Variants in RIMS1 observed in about 807,000 individuals in gnomAD.
RIMS1 encodes the protein regulating synaptic membrane exocytosis 1, also known as regulating synaptic membrane exocytosis protein 1.
Under a neutral mutation model 214.1 loss-of-function variants are expected in RIMS1, and 83 were observed. The observed-to-expected ratio is 0.39, with a 90% CI of 0.32 to 0.47. The LOEUF is 0.47. Among genes scored for constraint, RIMS1 ranks in the 20% least tolerant of loss-of-function variants. RIMS1 has a pLI of 0.99. For missense variants in RIMS1, 2,050 were observed against 2,161.8 expected (o/e 0.95, Z 1.03); for synonymous variants, 793 against 786.8 (o/e 1.01, Z -0.13).
At chr6:72,314,866 G>T (rs150238798) in intron 28 of RIMS1, among the ~76,000 whole-genome samples, 1 of 152,046 alleles carries the variant, frequency 6.6e-6, no homozygotes, top group African/African-American at 2.4e-5. Flanking sequence ...AAAACAATTT[G>T]AAGTAATTTT....
At chr6:72,391,338 T>G (rs2807520) in intron 30 of RIMS1, among the ~76,000 whole-genome samples, 33,319 of 151,054 alleles carry the variant, frequency 0.22, 3,894 homozygotes, top group Middle Eastern at 0.3. Context: ...AATTTACTCT[T>G]TTCGATTCTT....
chr6:72,144,405 T>A (rs934315465), intron 4 of RIMS1, among the ~76,000 whole-genome samples: 1 of 152,182 alleles, frequency 6.6e-6, no homozygotes, highest in Non-Finnish European at 1.5e-5. Context: ...ATATCAGTGA[T>A]GTAGTATTTT....
At chr6:72,333,897 T>A (rs2096753428) in intron 29 of RIMS1, 62 bp downstream of exon 29, 2 of 1,149,712 alleles carry the variant, frequency 1.7e-6, no homozygotes, top group Admixed American at 4.1e-5. Flanking sequence ...AACTTGATCT[T>A]CATGCTATGG....
chr6:71,937,408 A>G (rs1034395696), intron 1 of RIMS1, among the ~76,000 whole-genome samples: 5 of 152,064 alleles, frequency 3.3e-5, no homozygotes, highest in Non-Finnish European at 7.4e-5. Context: ...CCACAGGTGC[A>G]CGCCCAGCTA....
intron 2 of RIMS1, among the ~76,000 whole-genome samples, chr6:72,044,220 G>A (rs918285331): frequency 6.6e-6 from 1 of 151,506 alleles, no homozygotes; most frequent in Non-Finnish European, 1.5e-5. Flanking sequence ...ACCTCACACC[G>A]TATATAAAAA....
chr6:72,184,494 A>G (rs1221613526), intron 6 of RIMS1, among the ~76,000 whole-genome samples: 1 of 152,220 alleles, frequency 6.6e-6, no homozygotes, highest in African/African-American at 2.4e-5. Context: ...TGCTATAAAA[A>G]TGTGTATCTA....
chr6:72,290,169 C>T (rs2807538), intron 24 of RIMS1, among the ~76,000 whole-genome samples: 56,505 of 151,962 alleles, frequency 0.37, 10,967 homozygotes, highest in African/African-American at 0.41. Context: ...AGGCTTCTTT[C>T]GTTGTTTTTG....
chr6:71,905,374 T>C (rs1402612754), intron 1 of RIMS1, among the ~76,000 whole-genome samples: 1 of 152,054 alleles, frequency 6.6e-6, no homozygotes, highest in African/African-American at 2.4e-5. Context: ...CCCTCTTCTA[T>C]CTTGAAGCAG....
chr6:72,320,426 T>C (rs1421047704), intron 28 of RIMS1, among the ~76,000 whole-genome samples: 3 of 152,174 alleles, frequency 2.0e-5, no homozygotes, highest in Non-Finnish European at 4.4e-5. Flanking sequence ...TTTAAAAACA[T>C]ATTGTAAACC....
At chr6:72,368,791 G>C (rs769962381) in intron 29 of RIMS1, among the ~76,000 whole-genome samples, 1 of 151,970 alleles carries the variant, frequency 6.6e-6, no homozygotes, top group Non-Finnish European at 1.5e-5. Flanking sequence ...AGTAGTTCAT[G>C]GTCAATTATT....
chr6:72,258,720 G>T (rs879686730), intron 17 of RIMS1, among the ~76,000 whole-genome samples: 1 of 152,084 alleles, frequency 6.6e-6, no homozygotes, highest in African/African-American at 2.4e-5. Flanking sequence ...ATTTTACTCT[G>T]ATATACACTC....
chr6:72,052,227 C>T (rs1824907525), intron 2 of RIMS1, among the ~76,000 whole-genome samples: 1 of 152,206 alleles, frequency 6.6e-6, no homozygotes, highest in African/African-American at 2.4e-5. Context: ...GCTCCTCCAG[C>T]TTGCTTGGTT....
intron 9 of RIMS1, 40 bp from the exon 10 acceptor site, chr6:72,242,274 A>C (rs1292022500): frequency 7.1e-7 from 1 of 1,417,882 alleles, no homozygotes; most frequent in Admixed American, 2.2e-5. Context: ...AATAAACAGA[A>C]TATATAAGGT....
chr6:72,331,171 T>TCCCTATA (rs2096646134), intron 28 of RIMS1, among the ~76,000 whole-genome samples: 1 of 151,770 alleles, frequency 6.6e-6, no homozygotes. Context: ...AGTAGACATT[T>TCCCTATA]CCCTATACTC....
intron 2 of RIMS1, among the ~76,000 whole-genome samples, chr6:72,094,285 G>A (rs1389942613): frequency 6.6e-6 from 1 of 151,958 alleles, no homozygotes; most frequent in African/African-American, 2.4e-5. Context: ...TGTTATGTAC[G>A]GTAATAAAAC....
chr6:72,052,489 G>T (rs1456258432), intron 2 of RIMS1, among the ~76,000 whole-genome samples: 1 of 152,148 alleles, frequency 6.6e-6, no homozygotes, highest in Admixed American at 6.5e-5. Flanking sequence ...TCATTGACCT[G>T]CTTTCACTCT....
intron 2 of RIMS1, among the ~76,000 whole-genome samples, chr6:72,019,397 T>C (rs1303771469): frequency 6.6e-6 from 1 of 152,200 alleles, no homozygotes; most frequent in African/African-American, 2.4e-5. Context: ...GAGGATCAGA[T>C]AAGAAAATTA....
chr6:71,970,790 G>C (rs967254677), intron 2 of RIMS1, among the ~76,000 whole-genome samples: 5 of 152,190 alleles, frequency 3.3e-5, no homozygotes, highest in African/African-American at 1.2e-4. Context: ...TTTAAAGTTT[G>C]CTTTCATTCC....
At chr6:71,919,093 A>T (rs1779245493) in intron 1 of RIMS1, among the ~76,000 whole-genome samples, 1 of 152,132 alleles carries the variant, frequency 6.6e-6, no homozygotes. Flanking sequence ...AGTGTCCATT[A>T]TTGGAGGAGG....
Sources: gnomAD v4.1 joint callset for allele counts (sites outside exome capture counted in the v4.1 genomes callset) on GRCh38, gnomAD v4.1.1 for gene constraint, MANE v1.5 for transcripts, NCBI Gene and HGNC (gene_info 2026-07-23, HGNC 2026-07-21) for gene names.